The following CDH13 variants were observed in gnomAD, a reference collection of about 807,000 sequenced individuals.
CDH13 encodes the protein cadherin 13.
CDH13 carries 24 observed loss-of-function variants against 63.8 expected under a neutral mutation model. That is an observed-to-expected ratio of 0.38 (90% CI 0.27 to 0.53). The LOEUF is 0.53. Ranked by LOEUF, CDH13 falls within the 20% of genes least tolerant of loss-of-function variation. The pLI is 0.85. For missense variants in CDH13, 1,049 were observed against 903.1 expected (o/e 1.16, Z -2.07); for synonymous variants, 503 against 355.3 (o/e 1.42, Z -4.67).
intron 6 of CDH13, among the ~76,000 whole-genome samples, chr16:83,409,260 G>A (rs1177971220): frequency 1.3e-5 from 2 of 152,050 alleles, no homozygotes; most frequent in African/African-American, 4.8e-5. Context: ...GCTGGGGAGT[G>A]GATATGCCAA....
intron 2 of CDH13, among the ~76,000 whole-genome samples, chr16:82,986,664 G>T (rs1910977280): frequency 6.6e-6 from 1 of 152,178 alleles, no homozygotes. Flanking sequence ...AAAGAGGCAA[G>T]TCCAACCACA....
At chr16:82,815,192 G>C (rs2037646399) in intron 1 of CDH13, among the ~76,000 whole-genome samples, 1 of 152,074 alleles carries the variant, frequency 6.6e-6, no homozygotes, top group South Asian at 2.1e-4. Context: ...TAGGGAGTCG[G>C]AACAGCCACG....
intron 3 of CDH13, among the ~76,000 whole-genome samples, chr16:83,104,111 T>C (rs541253721): frequency 4.9e-4 from 75 of 152,290 alleles, no homozygotes; most frequent in African/African-American, 1.5e-3. Context: ...TACACGACCA[T>C]TGAATATTTA....
intron 2 of CDH13, among the ~76,000 whole-genome samples, chr16:82,869,418 G>A (rs924579145): frequency 2.6e-5 from 4 of 151,792 alleles, no homozygotes; most frequent in African/African-American, 9.7e-5. Context: ...AGAACAAGGA[G>A]TTTGATATGT....
chr16:83,576,755 A>G (rs1040905036), intron 7 of CDH13, among the ~76,000 whole-genome samples: 1 of 152,176 alleles, frequency 6.6e-6, no homozygotes, highest in African/African-American at 2.4e-5. Flanking sequence ...TTATGTCATG[A>G]TTAGTGATAC....
chr16:83,541,708 T>A (rs887103489), intron 7 of CDH13, among the ~76,000 whole-genome samples: 31 of 152,152 alleles, frequency 2.0e-4, no homozygotes, highest in Non-Finnish European at 4.4e-5. Flanking sequence ...GTGGAAGAAA[T>A]TCATGGTTGG....
chr16:83,047,235 G>GTA lies in CDH13; in HGVS notation c.366+15019_366+15020dup, dbSNP rs1555570564. 6.6e-6 allele frequency among the ~76,000 whole-genome samples: 1 copy of GTA among 151,748 alleles called. No homozygotes were observed. Among genetic ancestry groups the GTA allele is most frequent in the Non-Finnish European group, 1.5e-5 (1 of 67,874 alleles). On this transcript the variant is annotated intron_variant, in intron 3 of 13. Transcript: ENST00000567109. This position sits in a 1 kb window ranked among gnomAD's most constrained non-coding sequence, Gnocchi z 4.9. Reference sequence around the variant, plus strand: ...CCTCACTCTTACTCCAGAGGCCTGTGTATTTATTTATTTATTTATTTTTTT... The same window carrying GTA: ...CCTCACTCTTACTCCAGAGGCCTGTGTATATTTATTTATTTATTTATTTTTTT...
At chr16:83,345,879 G>T (rs899147981) in intron 6 of CDH13, among the ~76,000 whole-genome samples, 1 of 152,028 alleles carries the variant, frequency 6.6e-6, no homozygotes. Flanking sequence ...ATAGTGATTC[G>T]TCAGACCAGA....
intron 6 of CDH13, among the ~76,000 whole-genome samples, chr16:83,400,885 A>T (rs567863912): frequency 7.5e-4 from 114 of 152,232 alleles, no homozygotes; most frequent in African/African-American, 2.6e-3. Flanking sequence ...GTCTGTTAGT[A>T]TCATTGCTCC....
chr16:83,475,668 G>T (rs1050338369), intron 6 of CDH13, among the ~76,000 whole-genome samples: 1 of 150,028 alleles, frequency 6.7e-6, no homozygotes, highest in Non-Finnish European at 1.5e-5. Flanking sequence ...TGCAGCCTTC[G>T]CCTCTCGTGT....
intron 2 of CDH13, among the ~76,000 whole-genome samples, chr16:82,957,888 G>A (rs181602339): frequency 6.6e-6 from 1 of 152,294 alleles, no homozygotes; most frequent in Admixed American, 6.5e-5. Context: ...AGACATGATA[G>A]CTGGAAAATG....
intron 6 of CDH13, among the ~76,000 whole-genome samples, chr16:83,372,933 G>A (rs2091399092): frequency 1.3e-5 from 2 of 152,050 alleles, no homozygotes; most frequent in African/African-American, 2.4e-5. Context: ...AGCCAGCAAT[G>A]GACCTTTGGC....
At chr16:83,710,317 C>T (rs1020465453) in intron 10 of CDH13, 4 of 152,222 alleles carry the variant, frequency 2.6e-5, no homozygotes, top group Non-Finnish European at 5.9e-5. Context: ...AGAGAGCTGG[C>T]TTAAAACCTG....
At chr16:83,138,375 T>A (rs1376088986) in intron 4 of CDH13, among the ~76,000 whole-genome samples, 1 of 150,868 alleles carries the variant, frequency 6.6e-6, no homozygotes, top group Non-Finnish European at 1.5e-5. Context: ...TGCTGTGGGA[T>A]CTTGGAAAAA....
chr16:83,095,336 G>A (rs750991933), intron 3 of CDH13, among the ~76,000 whole-genome samples: 1 of 151,976 alleles, frequency 6.6e-6, no homozygotes, highest in Non-Finnish European at 1.5e-5. Context: ...TTCCAGGTAC[G>A]GACAAAAAAA....
At chr16:82,799,378 A>C (rs1418185270) in intron 1 of CDH13, among the ~76,000 whole-genome samples, 1 of 152,194 alleles carries the variant, frequency 6.6e-6, no homozygotes, top group Non-Finnish European at 1.5e-5. Context: ...CCTCTTGCCA[A>C]ATTAGAGTCT....
At chr16:83,244,711 A>G (rs900652974) in intron 5 of CDH13, among the ~76,000 whole-genome samples, 8 of 152,200 alleles carry the variant, frequency 5.3e-5, no homozygotes, top group South Asian at 4.1e-4. Context: ...CATTAAAGGC[A>G]CATAGGCAAT....
chr16:83,078,050 A>G (rs1027911653), intron 3 of CDH13, among the ~76,000 whole-genome samples: 1 of 152,104 alleles, frequency 6.6e-6, no homozygotes, highest in African/African-American at 2.4e-5. Context: ...GCTAAAGTCA[A>G]ACTTGCATCC....
chr16:82,916,815 T>C (rs1452717757), intron 2 of CDH13, among the ~76,000 whole-genome samples: 4 of 152,204 alleles, frequency 2.6e-5, no homozygotes, highest in African/African-American at 9.6e-5. Flanking sequence ...TATTCCCTAC[T>C]AGGAGATAGT....
Sources: gnomAD v4.1 joint callset for allele counts (sites outside exome capture counted in the v4.1 genomes callset) on GRCh38, gnomAD v4.1.1 for gene constraint, Gnocchi (gnomAD v3.1) non-coding constraint, MANE v1.5 for transcripts, NCBI Gene and HGNC (gene_info 2026-07-23, HGNC 2026-07-21) for gene names.